The following SASH1 variants were observed in gnomAD, a reference collection of about 807,000 sequenced individuals.
SASH1 encodes the protein SAM and SH3 domain-containing protein 1.
SASH1 carries 44 observed loss-of-function variants against 125.2 expected under a neutral mutation model. That is an observed-to-expected ratio of 0.35 (90% CI 0.28 to 0.45). The LOEUF (loss-of-function observed/expected upper bound fraction) is 0.45, where lower values mean the gene tolerates loss of function less well. Among genes scored for constraint, SASH1 ranks in the 20% least tolerant of loss-of-function variants. The pLI is 1.00. For missense variants in SASH1, 1,426 were observed against 1,614.5 expected (o/e 0.88, Z 2.00); for synonymous variants, 639 against 649.1 (o/e 0.98, Z 0.24).
At chr6:148,437,183 G>A (rs985694909) in intron 2 of SASH1, among the ~76,000 whole-genome samples, 1 of 152,036 alleles carries the variant, frequency 6.6e-6, no homozygotes, top group African/African-American at 2.4e-5. Context: ...TTATAATAAC[G>A]GAATTTTGCC....
intron 2 of SASH1, among the ~76,000 whole-genome samples, chr6:148,428,204 T>A (rs1775906993): frequency 6.6e-6 from 1 of 152,258 alleles, no homozygotes; most frequent in East Asian, 1.9e-4. Context: ...GCTATTTGTG[T>A]CATATAAATT....
intron 10 of SASH1, among the ~76,000 whole-genome samples, chr6:148,524,151 G>C (rs776361526): frequency 7.6e-6 from 1 of 130,954 alleles, no homozygotes; most frequent in Non-Finnish European, 1.6e-5. Context: ...AATGCTTATA[G>C]TATATTAGGT....
At chr6:148,513,050 ATTTT>A in intron 8 of SASH1, 1 of 985,402 alleles carries the variant, frequency 1.0e-6, no homozygotes, top group Non-Finnish European at 1.2e-6. Flanking sequence ...AACGTGCACC[ATTTT>A]TATGCCTAAA....
chr6:148,483,861 G>A (rs949911464), intron 7 of SASH1, among the ~76,000 whole-genome samples: 3 of 152,184 alleles, frequency 2.0e-5, no homozygotes, highest in Non-Finnish European at 4.4e-5. Context: ...TTATAAAAGC[G>A]ACTGTGCATC....
At chr6:148,527,789 A>G (rs927773831) in intron 12 of SASH1, among the ~76,000 whole-genome samples, 193 bp downstream of exon 12, 2 of 152,214 alleles carry the variant, frequency 1.3e-5, no homozygotes, top group African/African-American at 4.8e-5. Context: ...GCTGCTCAGC[A>G]CCGTGCTTGG....
At chr6:148,415,544 C>T (rs536786005) in intron 2 of SASH1, among the ~76,000 whole-genome samples, 71 of 152,330 alleles carry the variant, frequency 4.7e-4, no homozygotes, top group African/African-American at 1.6e-3. Context: ...GAGGGAAGAT[C>T]ACTCTTCAGG....
intron 16 of SASH1, among the ~76,000 whole-genome samples, chr6:148,535,566 G>A (rs999452077): frequency 2.0e-5 from 3 of 152,322 alleles, no homozygotes; most frequent in Middle Eastern, 3.4e-3. Flanking sequence ...ATTCCGTATC[G>A]ATTGGCTTGC....
At position 148,551,542 on chromosome 6, in the gene SASH1, G is replaced by A. The variant is rs1782877553; in HGVS notation, c.*2984G>A. The A allele has an allele frequency of 6.6e-6, 1 of 152,192 alleles. No individual in the cohort carries two copies. Among genetic ancestry groups the A allele is most frequent in the Admixed American group, 6.5e-5 (1 of 15,280 alleles). The allele number at this position is 152,192 out of a possible 1,614,324, so 9.4% of individuals were successfully genotyped here. A position where few individuals can be genotyped will look rare whatever the true frequency, so the allele number is the denominator to read the frequency against. Reference sequence around the variant, plus strand: ...TCTCTGTCCTGAACCCCCAGGTATGGGTGAAATTGGAAATTACTAATCTAT... The same window carrying A: ...TCTCTGTCCTGAACCCCCAGGTATGAGTGAAATTGGAAATTACTAATCTAT... On this transcript the variant is annotated 3_prime_UTR_variant, in exon 20 of 20. Transcript: ENST00000367467.
At chr6:148,369,004 C>G (rs1399191514) in intron 1 of SASH1, among the ~76,000 whole-genome samples, 1 of 152,202 alleles carries the variant, frequency 6.6e-6, no homozygotes, top group Non-Finnish European at 1.5e-5. Flanking sequence ...ACTTGTGGAG[C>G]TTTTAGTAAA....
the SASH1 span, among the ~76,000 whole-genome samples, chr6:148,218,767 G>A: frequency 8.5e-5 from 13 of 152,188 alleles, no homozygotes; most frequent in African/African-American, 2.9e-4. Flanking sequence ...AGGCAGTTCA[G>A]AGTCCACACC....
At chr6:148,298,670 GAA>G (rs1447187235) in intron 1 of SASH1, among the ~76,000 whole-genome samples, 65 of 46,752 alleles carry the variant, frequency 1.4e-3, no homozygotes, top group African/African-American at 2.3e-3. Context: ...AGGGAGGGAG[GAA>G]GGAAGGAAGG....
intron 8 of SASH1, among the ~76,000 whole-genome samples, chr6:148,490,063 A>T (rs1053882553): frequency 1.4e-4 from 19 of 132,736 alleles, no homozygotes; most frequent in South Asian, 6.8e-4. Flanking sequence ...CTTCTGCAAA[A>T]AATAATAATA....
At chr6:148,382,298 A>G (rs1365502550) in intron 1 of SASH1, among the ~76,000 whole-genome samples, 1 of 152,016 alleles carries the variant, frequency 6.6e-6, no homozygotes, top group Admixed American at 6.6e-5. Flanking sequence ...GTGCAGGTCC[A>G]TTGTGAAGAG....
intron 9 of SASH1, among the ~76,000 whole-genome samples, chr6:148,517,081 A>T (rs1379517365): frequency 1.3e-5 from 2 of 152,178 alleles, no homozygotes; most frequent in Non-Finnish European, 2.9e-5. Flanking sequence ...CCAGTAATGA[A>T]TCGCCAGTTT....
Position 148,533,141 on chromosome 6 carries a change from C to T in SASH1, c.1734+175C>T, listed in dbSNP as rs1225162211. Among the ~76,000 whole-genome samples the T allele has an allele frequency of 6.6e-6, 1 of 152,156 alleles. No individual in the cohort carries two copies. Among genetic ancestry groups the T allele is most frequent in the Non-Finnish European group, 1.5e-5 (1 of 68,026 alleles). On this transcript the variant is annotated intron_variant, in intron 14 of 19. Transcript: ENST00000367467. This position sits in a 1 kb window ranked among gnomAD's most constrained non-coding sequence, Gnocchi z 6.2. Reference sequence around the variant, plus strand: ...AAAAACAGAACAAGAACCAGCCAGCCCTCGAGGCAGAGGGAGGGTCTCGTG... The same window carrying T: ...AAAAACAGAACAAGAACCAGCCAGCTCTCGAGGCAGAGGGAGGGTCTCGTG...
intron 4 of SASH1, among the ~76,000 whole-genome samples, chr6:148,462,324 A>G (rs1562431664): frequency 6.7e-6 from 1 of 150,252 alleles, no homozygotes. Flanking sequence ...CTTGGTTATA[A>G]TGAAGTTTCT....
the SASH1 span, among the ~76,000 whole-genome samples, chr6:148,206,145 T>G: frequency 1.3e-5 from 2 of 152,122 alleles, no homozygotes; most frequent in East Asian, 3.9e-4. Context: ...AAAGAGAAAA[T>G]GTATTAATAC....
At chr6:148,329,794 A>G (rs973645684) in intron 1 of SASH1, among the ~76,000 whole-genome samples, 1 of 152,152 alleles carries the variant, frequency 6.6e-6, no homozygotes, top group Non-Finnish European at 1.5e-5. Flanking sequence ...AGAAAGATAT[A>G]TGTTTCTGAG....
At chr6:148,245,707 G>C in the SASH1 span, among the ~76,000 whole-genome samples, 1 of 152,174 alleles carries the variant, frequency 6.6e-6, no homozygotes, top group East Asian at 1.9e-4. Context: ...TAAGCTGGGG[G>C]CCAGGTGCGG....
Sources: allele counts gnomAD v4.1 joint callset (sites outside exome capture counted in the v4.1 genomes callset), GRCh38; gene constraint gnomAD v4.1.1; non-coding constraint Gnocchi (gnomAD v3.1); transcripts MANE v1.5; gene names NCBI Gene and HGNC (gene_info 2026-07-23, HGNC 2026-07-21).